Variants in SEMA5A observed in about 807,000 individuals in gnomAD.
SEMA5A encodes the protein semaphorin-5A.
Under a neutral mutation model 135.5 loss-of-function variants are expected in SEMA5A, and 55 were observed. The ratio of observed to expected loss-of-function variants is 0.41; its 90% CI spans 0.33 to 0.51. The LOEUF (loss-of-function observed/expected upper bound fraction) is 0.51, where lower values mean the gene tolerates loss of function less well. Ranked by LOEUF, SEMA5A falls within the 20% of genes least tolerant of loss-of-function variation. The pLI is 0.37. For missense variants in SEMA5A, 1,290 were observed against 1,419.9 expected (o/e 0.91, Z 1.47); for synonymous variants, 580 against 546.5 (o/e 1.06, Z -0.85).
chr5:9,498,849 T>A (rs1012965872), intron 1 of SEMA5A: 1 of 152,206 alleles, frequency 6.6e-6, no homozygotes, highest in Non-Finnish European at 1.5e-5. Context: ...TGGGCTGGGT[T>A]AGGTGTGGAA....
At chr5:9,186,322 A>G (rs1744806702) in intron 11 of SEMA5A, among the ~76,000 whole-genome samples, 1 of 152,186 alleles carries the variant, frequency 6.6e-6, no homozygotes, top group Non-Finnish European at 1.5e-5. Context: ...ACGCAGATGA[A>G]CTACACCAGC....
At chr5:9,206,314 G>A (rs1041848306) in intron 8 of SEMA5A, among the ~76,000 whole-genome samples, 3 of 151,502 alleles carry the variant, frequency 2.0e-5, no homozygotes, top group Non-Finnish European at 2.9e-5. Flanking sequence ...ATGTATTACC[G>A]TGTTGTACAA....
chr5:9,319,693 T>G (rs1396155191), intron 4 of SEMA5A, among the ~76,000 whole-genome samples: 1 of 151,900 alleles, frequency 6.6e-6, no homozygotes, highest in African/African-American at 2.4e-5. Flanking sequence ...GTAAGCAAAC[T>G]CTAAGATGCA....
chr5:9,281,154 A>G (rs1750521772), intron 5 of SEMA5A, among the ~76,000 whole-genome samples: 2 of 152,350 alleles, frequency 1.3e-5, no homozygotes, highest in South Asian at 4.1e-4. Context: ...AAAATACACA[A>G]AAATGATACA....
chr5:9,164,485 C>A (rs935938114), intron 11 of SEMA5A, among the ~76,000 whole-genome samples: 4 of 151,626 alleles, frequency 2.6e-5, no homozygotes, highest in African/African-American at 9.7e-5. Flanking sequence ...ATCTTTTTAA[C>A]CTTGTACTAT....
intron 16 of SEMA5A, among the ~76,000 whole-genome samples, chr5:9,097,227 T>C (rs1194422728): frequency 6.6e-6 from 1 of 152,176 alleles, no homozygotes; most frequent in Non-Finnish European, 1.5e-5. Flanking sequence ...GAGACCACAC[T>C]TCCCTTATTT....
chr5:9,500,358 CAA>C (rs1231030093), intron 1 of SEMA5A, among the ~76,000 whole-genome samples: 1 of 152,190 alleles, frequency 6.6e-6, no homozygotes, highest in East Asian at 1.9e-4. Flanking sequence ...TTCCAAATGA[CAA>C]GAGAGCTTCT....
chr5:9,074,722 C>T (rs752591938), intron 16 of SEMA5A, among the ~76,000 whole-genome samples: 3 of 152,122 alleles, frequency 2.0e-5, no homozygotes, highest in East Asian at 1.9e-4. Flanking sequence ...GCAAAACAAG[C>T]GTATGTAAAC....
intron 3 of SEMA5A, among the ~76,000 whole-genome samples, chr5:9,342,954 AT>A (rs1392464876): frequency 5.3e-5 from 8 of 152,030 alleles, no homozygotes; most frequent in Admixed American, 5.2e-4. Context: ...TATACAGCAC[AT>A]TTGGAAAATT....
intron 16 of SEMA5A, among the ~76,000 whole-genome samples, chr5:9,068,703 A>AG (rs371310382): frequency 6.6e-6 from 1 of 152,152 alleles, no homozygotes; most frequent in East Asian, 1.9e-4. Flanking sequence ...AACAAAAAAA[A>AG]TGGGGCTGTG....
At position 9,472,885 on chromosome 5, in the gene SEMA5A, T is replaced by G. The variant is rs200132289; in HGVS notation, c.-174-35033A>C. On this transcript the variant is annotated intron_variant, in intron 1 of 22. Transcript: ENST00000382496. ...TACATATACTTATATAGAATTAGTA[T>G]TTATTGAATAAGTTATGTATAGGAT... Among the ~76,000 whole-genome samples the G allele has an allele frequency of 3.3e-5, 5 of 150,410 alleles. No individual in the cohort carries two copies. In the East Asian group the frequency reaches 9.6e-4, roughly 29 times the overall value.
chr5:9,174,266 T>A (rs1744087120), intron 11 of SEMA5A, among the ~76,000 whole-genome samples: 1 of 152,092 alleles, frequency 6.6e-6, no homozygotes, highest in Non-Finnish European at 1.5e-5. Flanking sequence ...TTGAGGCGAG[T>A]TTTTTTCCAC....
chr5:9,478,293 C>T (rs1175420353), intron 1 of SEMA5A, among the ~76,000 whole-genome samples: 1 of 152,194 alleles, frequency 6.6e-6, no homozygotes, highest in Non-Finnish European at 1.5e-5. Flanking sequence ...TGCAGAGGGG[C>T]AGTGTGGGGT....
Position 9,508,915 on chromosome 5 carries a change from C to A in SEMA5A, c.-175+36669G>T, listed in dbSNP as rs559767369. Among the ~76,000 whole-genome samples the A allele has an allele frequency of 2.0e-5, 3 of 152,220 alleles. No homozygotes were observed. The East Asian group carries it at 5.8e-4, about 29-fold the overall frequency. On this transcript the variant is annotated intron_variant, in intron 1 of 22. Transcript: ENST00000382496. ...GGATGAAGAAAAAGTGGATCTACAA[C>A]TAGGGACAAATTTACAATGAGGCAA... is the stretch of plus-strand genomic sequence containing the variant.
At chr5:9,151,606 G>A (rs1742640423) in intron 12 of SEMA5A, among the ~76,000 whole-genome samples, 2 of 151,742 alleles carry the variant, frequency 1.3e-5, no homozygotes, top group Non-Finnish European at 2.9e-5. Context: ...AACTAGGGAG[G>A]GTTTCCTATC....
chr5:9,456,687 A>AG (rs1412523273), intron 1 of SEMA5A, among the ~76,000 whole-genome samples: 8 of 152,218 alleles, frequency 5.3e-5, no homozygotes, highest in Admixed American at 2.6e-4. Flanking sequence ...CAAAGGCAGA[A>AG]GGCTGGAACC....
At chr5:9,382,291 C>G (rs1263917370) in intron 2 of SEMA5A, among the ~76,000 whole-genome samples, 1 of 151,792 alleles carries the variant, frequency 6.6e-6, no homozygotes, top group Non-Finnish European at 1.5e-5. Flanking sequence ...CAGAGCAAGA[C>G]TTTGTCTCTA....
intron 4 of SEMA5A, 46 bp from the exon 5 acceptor site, chr5:9,318,463 G>A (rs569693642): frequency 2.0e-6 from 3 of 1,485,116 alleles, no homozygotes; most frequent in Non-Finnish European, 1.8e-6. Context: ...ATAGATCACA[G>A]AAAGTTAAGA....
chr5:9,046,314 G>C (rs1736250663), intron 21 of SEMA5A, among the ~76,000 whole-genome samples: 1 of 152,210 alleles, frequency 6.6e-6, no homozygotes. Context: ...AGTCTACCTG[G>C]CTGCAGAGCA....
Sources: gnomAD v4.1 joint callset for allele counts (sites outside exome capture counted in the v4.1 genomes callset) on GRCh38, gnomAD v4.1.1 for gene constraint, MANE v1.5 for transcripts, NCBI Gene and HGNC (gene_info 2026-07-23, HGNC 2026-07-21) for gene names.